GABRB3: variants seen among roughly 807,000 people sequenced by gnomAD.
The protein encoded by GABRB3 is gamma-aminobutyric acid receptor subunit beta-3.
GABRB3 carries 14 observed loss-of-function variants against 52.1 expected under a neutral mutation model. The ratio of observed to expected loss-of-function variants is 0.27; its 90% CI spans 0.18 to 0.42. GABRB3 has a LOEUF of 0.42. Ranked by LOEUF, GABRB3 falls within the 10% of genes least tolerant of loss-of-function variation. The probability of loss-of-function intolerance (pLI) is 1.00; values close to 1 mark genes in which losing one functional copy is unlikely to be tolerated. For missense variants in GABRB3, 307 were observed against 609.1 expected (o/e 0.50, Z 5.22); for synonymous variants, 260 against 232.3 (o/e 1.12, Z -1.08).
chr15:26,668,414 C>T (rs902279445), intron 3 of GABRB3, among the ~76,000 whole-genome samples: 2 of 152,138 alleles, frequency 1.3e-5, no homozygotes, highest in Non-Finnish European at 2.9e-5. Context: ...TACATGAGGC[C>T]GGGAATGCCT....
intron 4 of GABRB3, among the ~76,000 whole-genome samples, chr15:26,590,871 C>T (rs1891176183): frequency 6.6e-6 from 1 of 152,186 alleles, no homozygotes; most frequent in South Asian, 2.1e-4. Context: ...TGAATGTGCG[C>T]CAACTTTGTG....
chr15:26,616,067 A>G, intron 4 of GABRB3: 4 of 1,289,080 alleles, frequency 3.1e-6, no homozygotes, highest in Non-Finnish European at 4.0e-6. Flanking sequence ...GTACCTATTT[A>G]CCAAAAAGAT....
chr15:26,617,501 G>C (rs1892301077), intron 4 of GABRB3, among the ~76,000 whole-genome samples: 2 of 152,146 alleles, frequency 1.3e-5, no homozygotes, highest in South Asian at 2.1e-4. Flanking sequence ...ATTAGGTATT[G>C]ATGGGACGTA....
chr15:26,642,331 G>C, intron 3 of GABRB3: 1 of 397,466 alleles, frequency 2.5e-6, no homozygotes, highest in Non-Finnish European at 4.7e-6. Context: ...TATGGGACTT[G>C]AATATGTGTG....
chr15:26,594,405 CTTT>C (rs1566764402), intron 4 of GABRB3, among the ~76,000 whole-genome samples: 2 of 151,970 alleles, frequency 1.3e-5, no homozygotes, highest in South Asian at 4.1e-4. Context: ...CATTTCAAAA[CTTT>C]TTTTGAAAAG....
intron 3 of GABRB3, among the ~76,000 whole-genome samples, chr15:26,758,229 G>C (rs570566780): frequency 6.6e-6 from 1 of 152,304 alleles, no homozygotes; most frequent in African/African-American, 2.4e-5. Context: ...ATGGCAGCAT[G>C]AGCAGGTTCT....
intron 4 of GABRB3, among the ~76,000 whole-genome samples, chr15:26,594,869 A>T (rs1476480519): frequency 6.6e-6 from 1 of 152,180 alleles, no homozygotes; most frequent in Non-Finnish European, 1.5e-5. Context: ...AACGAAGAAA[A>T]AACACACAAA....
chr15:26,606,259 T>C (rs185619290), intron 4 of GABRB3, among the ~76,000 whole-genome samples: 1 of 152,118 alleles, frequency 6.6e-6, no homozygotes, highest in Admixed American at 6.6e-5. Flanking sequence ...TAGTCAAGGA[T>C]AATTGAATTG....
intron 6 of GABRB3, among the ~76,000 whole-genome samples, chr15:26,576,623 C>G (rs1252273806): frequency 6.6e-6 from 1 of 152,046 alleles, no homozygotes; most frequent in Non-Finnish European, 1.5e-5. Context: ...AGTAAGAAAT[C>G]TGTATCAAGA....
chr15:26,714,545 C>A (rs532151953), intron 3 of GABRB3, among the ~76,000 whole-genome samples: 4 of 152,228 alleles, frequency 2.6e-5, no homozygotes. Flanking sequence ...GGAAGTGGGG[C>A]GGGGCTTCCA....
chr15:26,700,889 A>G (rs906681556), intron 3 of GABRB3, among the ~76,000 whole-genome samples: 5 of 152,142 alleles, frequency 3.3e-5, no homozygotes, highest in Admixed American at 1.3e-4. Flanking sequence ...CCCCGTCTCT[A>G]CTAAAAATAC....
At chr15:26,609,308 C>T (rs1357491911) in intron 4 of GABRB3, among the ~76,000 whole-genome samples, 1 of 151,966 alleles carries the variant, frequency 6.6e-6, no homozygotes, top group Non-Finnish European at 1.5e-5. Context: ...GAGAACAGAA[C>T]AGTGGTTACA....
At chr15:26,587,169 A>C (rs1235151578) in intron 4 of GABRB3, among the ~76,000 whole-genome samples, 1 of 152,198 alleles carries the variant, frequency 6.6e-6, no homozygotes, top group Non-Finnish European at 1.5e-5. Flanking sequence ...TCCGCCACGC[A>C]ACTCCCTCTT....
intron 4 of GABRB3, among the ~76,000 whole-genome samples, chr15:26,600,050 G>A (rs1891531761): frequency 2.0e-5 from 3 of 151,752 alleles, no homozygotes; most frequent in South Asian, 2.1e-4. Context: ...GAATAGAAAA[G>A]AACCAGATAC....
chr15:26,768,181 ATACACAT>A (rs1891048080), intron 3 of GABRB3, among the ~76,000 whole-genome samples: 1 of 152,170 alleles, frequency 6.6e-6, no homozygotes, highest in African/African-American at 2.4e-5. Flanking sequence ...TTTATTATTT[ATACACAT>A]GAAATGAGAA....
intron 8 of GABRB3, among the ~76,000 whole-genome samples, chr15:26,551,003 G>A (rs1035709011): frequency 3.3e-5 from 5 of 152,168 alleles, no homozygotes; most frequent in Non-Finnish European, 5.9e-5. Context: ...GGCTTGAAGA[G>A]CACCTGAAAT....
intron 4 of GABRB3, among the ~76,000 whole-genome samples, chr15:26,603,725 C>T (rs1299698682): frequency 6.6e-6 from 1 of 151,928 alleles, no homozygotes; most frequent in Non-Finnish European, 1.5e-5. Context: ...ATTCAACATC[C>T]CTTCATGATA....
At chr15:26,567,547 T>C (rs1890225388) in intron 7 of GABRB3, 34 bp downstream of exon 7, 17 of 1,604,254 alleles carry the variant, frequency 1.1e-5, no homozygotes, top group Non-Finnish European at 1.4e-5. Context: ...TACGGTTACT[T>C]TACATTTAAA....
chr15:26,744,984 C>T (rs1447720101), intron 3 of GABRB3, among the ~76,000 whole-genome samples: 1 of 152,158 alleles, frequency 6.6e-6, no homozygotes, highest in Non-Finnish European at 1.5e-5. Context: ...AAGCATGGTG[C>T]TAGAGAGGCC....
Sources: allele counts gnomAD v4.1 joint callset (sites outside exome capture counted in the v4.1 genomes callset), GRCh38; gene constraint gnomAD v4.1.1; transcripts MANE v1.5; gene names NCBI Gene and HGNC (gene_info 2026-07-23, HGNC 2026-07-21).